FBXL17: variants seen among roughly 807,000 people sequenced by gnomAD.
The protein encoded by FBXL17 is F-box/LRR-repeat protein 17.
In FBXL17, 22 loss-of-function variants were observed where a neutral mutation model predicts 66.2. The ratio of observed to expected loss-of-function variants is 0.33; its 90% CI spans 0.24 to 0.47. The LOEUF is 0.47. FBXL17 is among the 20% of genes least tolerant of loss of function. The pLI, the probability that FBXL17 is intolerant of heterozygous loss-of-function variation, is 1.00. For missense variants in FBXL17, 878 were observed against 948.2 expected (o/e 0.93, Z 0.97); for synonymous variants, 474 against 400.5 (o/e 1.18, Z -2.19).
intron 6 of FBXL17, among the ~76,000 whole-genome samples, chr5:108,108,655 T>G (rs1749904669): frequency 6.6e-6 from 1 of 152,158 alleles, no homozygotes. Flanking sequence ...TCCTCTCCAA[T>G]TTTTTCAGCA....
At chr5:108,372,917 T>C (rs1211452380) in intron 1 of FBXL17, among the ~76,000 whole-genome samples, 1 of 152,090 alleles carries the variant, frequency 6.6e-6, no homozygotes, top group Non-Finnish European at 1.5e-5. Context: ...GCCTCCTCTT[T>C]GCTATATGAT....
At chr5:107,936,932 T>C (rs1750928443) in intron 7 of FBXL17, among the ~76,000 whole-genome samples, 1 of 151,930 alleles carries the variant, frequency 6.6e-6, no homozygotes, top group South Asian at 2.1e-4. Flanking sequence ...TTAAGCAGTC[T>C]AGCAGGAGTT....
intron 5 of FBXL17, among the ~76,000 whole-genome samples, chr5:108,221,830 A>C (rs567052838): frequency 6.6e-6 from 1 of 152,296 alleles, no homozygotes; most frequent in African/African-American, 2.4e-5. Context: ...CAAGAGATAA[A>C]CCAATTAAAA....
At chr5:108,376,046 T>C (rs1341645542) in intron 1 of FBXL17, among the ~76,000 whole-genome samples, 1 of 152,154 alleles carries the variant, frequency 6.6e-6, no homozygotes, top group Non-Finnish European at 1.5e-5. Context: ...TCTCAACTGA[T>C]TCAGGAAAAA....
At chr5:108,236,524 C>A (rs1481169846) in intron 4 of FBXL17, among the ~76,000 whole-genome samples, 3 of 149,910 alleles carry the variant, frequency 2.0e-5, no homozygotes, top group Non-Finnish European at 3.0e-5. Flanking sequence ...AAAAAAAAAA[C>A]CAACAACAAC....
intron 4 of FBXL17, among the ~76,000 whole-genome samples, chr5:108,329,582 A>G (rs1435533644): frequency 6.6e-6 from 1 of 152,152 alleles, no homozygotes; most frequent in Non-Finnish European, 1.5e-5. Flanking sequence ...CCTATGCATT[A>G]CCCAAGTACT....
chr5:107,992,308 C>A (rs1753283873), intron 7 of FBXL17, among the ~76,000 whole-genome samples: 1 of 152,008 alleles, frequency 6.6e-6, no homozygotes, highest in East Asian at 1.9e-4. Flanking sequence ...TAATCAAATA[C>A]CCTGATTTAA....
intron 6 of FBXL17, among the ~76,000 whole-genome samples, chr5:108,089,033 T>C (rs113302850): frequency 2.6e-4 from 40 of 152,200 alleles, no homozygotes; most frequent in Admixed American, 9.8e-4. Context: ...CAAAACCAAA[T>C]AGTTTTACGT....
At chr5:108,021,206 T>C (rs191312707) in intron 6 of FBXL17, among the ~76,000 whole-genome samples, 4 of 151,706 alleles carry the variant, frequency 2.6e-5, no homozygotes, top group African/African-American at 7.2e-5. Flanking sequence ...TAGTGCATCT[T>C]TTAAAACCAA....
chr5:108,002,276 G>A lies in FBXL17; in HGVS notation c.1822+18649C>T, dbSNP rs147782013. Among the ~76,000 whole-genome samples the A allele has an allele frequency of 8.3e-4, 122 of 147,146 alleles. 2 individuals are homozygous for A. The Middle Eastern group carries it at 0.014, about 17-fold the overall frequency. Reference sequence around the variant, plus strand: ...TGACCTCAGGTGTTCCACCCACCTCGGCCTCCCAAAATGCTGGGATTACAG... The same window carrying A: ...TGACCTCAGGTGTTCCACCCACCTCAGCCTCCCAAAATGCTGGGATTACAG... On this transcript the variant is annotated intron_variant, in intron 7 of 8. Coordinates refer to ENST00000542267, the MANE Select transcript of FBXL17 (RefSeq NM_001163315.3).
At chr5:108,216,712 G>A (rs764220271) in intron 5 of FBXL17, among the ~76,000 whole-genome samples, 74 of 152,086 alleles carry the variant, frequency 4.9e-4, no homozygotes, top group Non-Finnish European at 2.4e-4. Context: ...AGAGGCCCCC[G>A]CCTGTGGGTC....
chr5:108,207,561 C>T (rs376983408), intron 5 of FBXL17, among the ~76,000 whole-genome samples: 2 of 152,136 alleles, frequency 1.3e-5, no homozygotes, highest in East Asian at 1.9e-4. Context: ...CTCCCACTTA[C>T]GAGTGAGAAC....
chr5:108,136,484 G>T (rs1751138621), intron 6 of FBXL17, among the ~76,000 whole-genome samples: 1 of 152,126 alleles, frequency 6.6e-6, no homozygotes, highest in African/African-American at 2.4e-5. Flanking sequence ...GGTTGTGGAT[G>T]TAAGAACTAG....
At chr5:108,338,438 A>G (rs949554340) in intron 4 of FBXL17, among the ~76,000 whole-genome samples, 2 of 152,176 alleles carry the variant, frequency 1.3e-5, no homozygotes, top group Admixed American at 6.5e-5. Context: ...AATGATAACC[A>G]TCTAGATTTT....
At chr5:108,289,653 G>A (rs1312754479) in intron 4 of FBXL17, among the ~76,000 whole-genome samples, 2 of 152,150 alleles carry the variant, frequency 1.3e-5, no homozygotes, top group African/African-American at 4.8e-5. Context: ...GGCAAATGCT[G>A]CCATGACATG....
At chr5:108,197,587 C>A (rs1361462772) in intron 5 of FBXL17, among the ~76,000 whole-genome samples, 1 of 152,130 alleles carries the variant, frequency 6.6e-6, no homozygotes, top group East Asian at 1.9e-4. Flanking sequence ...CGAAAGCTTA[C>A]CATATCCAAG....
intron 6 of FBXL17, among the ~76,000 whole-genome samples, chr5:108,164,326 T>G (rs1752330304): frequency 6.6e-6 from 1 of 152,186 alleles, no homozygotes; most frequent in African/African-American, 2.4e-5. Flanking sequence ...TAGAACAAAC[T>G]TCATTATTGC....
chr5:108,079,643 T>G (rs1748689582), intron 6 of FBXL17, among the ~76,000 whole-genome samples: 2 of 152,200 alleles, frequency 1.3e-5, no homozygotes, highest in African/African-American at 4.8e-5. Context: ...AAGTTAAATG[T>G]GTAATTATAG....
At chr5:108,101,091 G>A (rs913649895) in intron 6 of FBXL17, among the ~76,000 whole-genome samples, 1 of 152,152 alleles carries the variant, frequency 6.6e-6, no homozygotes, top group African/African-American at 2.4e-5. Context: ...AAATTTCAGA[G>A]AGCTCCCAAA....
Sources: allele counts gnomAD v4.1 joint callset (sites outside exome capture counted in the v4.1 genomes callset), GRCh38; gene constraint gnomAD v4.1.1; transcripts MANE v1.5; gene names NCBI Gene and HGNC (gene_info 2026-07-23, HGNC 2026-07-21).